CDK5RAP2: variants seen among roughly 807,000 people sequenced by gnomAD.
CDK5RAP2 encodes CDK5 regulatory subunit-associated protein 2.
A neutral mutation model predicts 232.9 loss-of-function variants in CDK5RAP2; 147 were observed. That is an observed-to-expected ratio of 0.63 (90% confidence interval 0.55 to 0.72). The LOEUF is 0.72. CDK5RAP2 is among the 30% of genes least tolerant of loss of function. The pLI is 0.00. For missense variants in CDK5RAP2, 2,195 were observed against 2,231.5 expected (o/e 0.98, Z 0.33); for synonymous variants, 833 against 833.7 (o/e 1.00, Z 0.01).
intron 13 of CDK5RAP2, among the ~76,000 whole-genome samples, chr9:120,489,761 A>G (rs1157532300): frequency 1.4e-5 from 2 of 141,786 alleles, no homozygotes; most frequent in African/African-American, 5.3e-5. Context: ...GCATGTTTCT[A>G]TTTCCTCTAT....
intron 20 of CDK5RAP2, among the ~76,000 whole-genome samples, chr9:120,454,102 T>C (rs1374509539): frequency 5.3e-5 from 8 of 152,166 alleles, no homozygotes; most frequent in African/African-American, 1.9e-4. Flanking sequence ...ATAAGAAGAA[T>C]AGAATTAATT....
chr9:120,453,958 C>A, intron 20 of CDK5RAP2, 85 bp from the exon 21 acceptor site: 1 of 1,331,368 alleles, frequency 7.5e-7, no homozygotes, highest in Non-Finnish European at 1.1e-6. Flanking sequence ...GTTATCCCCA[C>A]CTACTGTTGC....
intron 12 of CDK5RAP2, among the ~76,000 whole-genome samples, chr9:120,515,332 C>T (rs759461649): frequency 2.0e-5 from 3 of 152,138 alleles, no homozygotes; most frequent in Non-Finnish European, 4.4e-5. Context: ...AAGTGTCAGC[C>T]CCTCTTAGAA....
intron 18 of CDK5RAP2, among the ~76,000 whole-genome samples, chr9:120,467,114 A>G (rs1237416788): frequency 1.3e-5 from 2 of 152,358 alleles, no homozygotes; most frequent in East Asian, 3.9e-4. Context: ...CCAGGTCCCA[A>G]ACAGAAAATC....
chr9:120,426,086 G>A (rs571638777), intron 25 of CDK5RAP2, among the ~76,000 whole-genome samples: 1 of 152,296 alleles, frequency 6.6e-6, no homozygotes, highest in East Asian at 1.9e-4. Flanking sequence ...GGGACTCTGG[G>A]GAGGGCAGTT....
At chr9:120,433,754 T>C (rs2035416696) in intron 25 of CDK5RAP2, among the ~76,000 whole-genome samples, 1 of 152,228 alleles carries the variant, frequency 6.6e-6, no homozygotes, top group Admixed American at 6.5e-5. Context: ...GGAAAAGTTT[T>C]TTGTCCAGAG....
chr9:120,530,146 A>T lies in CDK5RAP2; in HGVS notation c.663-6T>A. On this transcript the variant is annotated splice_region_variant and splice_polypyrimidine_tract_variant and intron_variant, in intron 7 of 37. Transcript: ENST00000349780. ...GCTTCAACTCCTCAATCAGTCTAAA[A>T]GAGAACAAAATTTAAATATTAATTC... 5 of 1,610,544 alleles carry T rather than the reference A, an allele frequency of 3.1e-6. No individual in the cohort carries two copies. Among genetic ancestry groups the T allele is most frequent in the Non-Finnish European group, 3.4e-6 (4 of 1,178,016 alleles).
In CDK5RAP2 at chr9:120,443,682, G is replaced by C. The variant is rs747629823; in HGVS notation, c.3086C>G (p.Thr1029Ser). 1.6e-5 allele frequency: 26 copies of C among 1,614,140 alleles called. No individual in the cohort carries two copies. Among genetic ancestry groups the C allele is most frequent in the Non-Finnish European group, 2.2e-5 (26 of 1,180,006 alleles). The change falls in exon 23 of 38, where the codon ACC becomes AGC. Residue 1029 changes from threonine (T) to serine (S), a missense_variant. Transcript: ENST00000349780. ...DSPGEQKGIK[T>S]TSSVWRDKEM... ...CTTGTCTCTCCAGACAGAAGATGTG[G>C]TTTTAATTCCTTTCTGCTCTCCTGG...
chr9:120,569,639 T>A (rs2042774821), intron 2 of CDK5RAP2, among the ~76,000 whole-genome samples: 1 of 152,190 alleles, frequency 6.6e-6, no homozygotes, highest in South Asian at 2.1e-4. Flanking sequence ...ATAGCAGGAC[T>A]GGAGGTGAGA....
chr9:120,526,947 CCTTCTCCT>C (rs2040925845), intron 10 of CDK5RAP2, among the ~76,000 whole-genome samples: 1 of 152,154 alleles, frequency 6.6e-6, no homozygotes, highest in South Asian at 2.1e-4. Flanking sequence ...AGCTCAGGCA[CCTTCTCCT>C]CTAAGCACTG....
chr9:120,578,766 C>T (rs1438278667), intron 1 of CDK5RAP2, among the ~76,000 whole-genome samples: 1 of 152,004 alleles, frequency 6.6e-6, no homozygotes, highest in African/African-American at 2.4e-5. Flanking sequence ...AGGATTTCAC[C>T]ATGTTGCCCA....
At chr9:120,414,912 A>G (rs979632517) in intron 28 of CDK5RAP2, 128 bp downstream of exon 28, 2 of 1,118,504 alleles carry the variant, frequency 1.8e-6, no homozygotes, top group Non-Finnish European at 1.3e-6. Context: ...AGGCTGGCAG[A>G]CTTCTCCAAG....
chr9:120,413,129 T>C (rs937894341), intron 28 of CDK5RAP2, among the ~76,000 whole-genome samples: 6 of 152,032 alleles, frequency 3.9e-5, no homozygotes, highest in Admixed American at 2.6e-4. Flanking sequence ...CAGGAAAAAA[T>C]CTACAGAAGT....
In CDK5RAP2 at chr9:120,389,181, GAGAC is replaced by G; in HGVS notation, c.*51_*54del. The G allele has an allele frequency of 1.4e-6, 2 of 1,420,594 alleles. No homozygotes were observed. Among genetic ancestry groups the G allele is most frequent in the Non-Finnish European group, 2.0e-6 (2 of 1,011,426 alleles). 88.0% of individuals were successfully genotyped at this position (1,420,594 alleles called of 1,614,324 possible). On this transcript the variant is annotated 3_prime_UTR_variant, in exon 38 of 38. Coordinates refer to ENST00000349780, the MANE Select transcript of CDK5RAP2 (RefSeq NM_018249.6). The stretch of plus-strand genomic sequence containing the variant: ...AAATAGGAACCACACTTGGAACAAA[GAGAC>G]AGCGTGAGCTCGGTGGGGGAAGCAC...
chr9:120,501,123 A>AC (rs955097286), intron 12 of CDK5RAP2, among the ~76,000 whole-genome samples: 17 of 152,062 alleles, frequency 1.1e-4, no homozygotes, highest in Admixed American at 5.9e-4. Context: ...CATCAGCTAG[A>AC]CCCCCCTGAC....
At chr9:120,527,456 A>G (rs899032165) in intron 10 of CDK5RAP2, among the ~76,000 whole-genome samples, 8 of 152,144 alleles carry the variant, frequency 5.3e-5, no homozygotes, top group African/African-American at 1.4e-4. Context: ...CTGAAAAAAA[A>G]AAGTGTTGAC....
chr9:120,433,104 G>C (rs1276523260), intron 25 of CDK5RAP2, among the ~76,000 whole-genome samples: 1 of 152,108 alleles, frequency 6.6e-6, no homozygotes, highest in Non-Finnish European at 1.5e-5. Context: ...CAAAAGCTGG[G>C]GGAAAACATT....
At chr9:120,400,377 G>A (rs747743301) in intron 35 of CDK5RAP2, among the ~76,000 whole-genome samples, 35 of 152,240 alleles carry the variant, frequency 2.3e-4, no homozygotes, top group Non-Finnish European at 4.3e-4. Context: ...GCTAGTCCAT[G>A]AGGACAAATT....
At chr9:120,466,595 C>T (rs569259525) in intron 18 of CDK5RAP2, among the ~76,000 whole-genome samples, 1 of 152,162 alleles carries the variant, frequency 6.6e-6, no homozygotes, top group African/African-American at 2.4e-5. Flanking sequence ...CCATTTGTGT[C>T]TCAAATGAAG....
Sources: allele counts gnomAD v4.1 joint callset (sites outside exome capture counted in the v4.1 genomes callset), GRCh38; gene constraint gnomAD v4.1.1; transcripts MANE v1.5; gene names NCBI Gene and HGNC (gene_info 2026-07-23, HGNC 2026-07-21).